DLC1: variants seen among roughly 807,000 people sequenced by gnomAD.
DLC1 encodes DLC1 Rho GTPase activating protein.
A neutral mutation model predicts 140.3 loss-of-function variants in DLC1; 54 were observed. The observed-to-expected ratio is 0.38, with a 90% CI of 0.31 to 0.48. The LOEUF (loss-of-function observed/expected upper bound fraction) is 0.48, where lower values mean the gene tolerates loss of function less well. DLC1 is among the 20% of genes least tolerant of loss of function. The pLI is 0.96. For synonymous variants in DLC1, 986 were observed against 728.1 expected, an observed-to-expected ratio of 1.35 and a Z score of -5.70; for missense variants, 2,536 against 1,907.0, an observed-to-expected ratio of 1.33 and a Z score of -6.14.
chr8:13,415,985 G>A (rs1047898673), intron 2 of DLC1, among the ~76,000 whole-genome samples: 1 of 152,078 alleles, frequency 6.6e-6, no homozygotes, highest in South Asian at 2.1e-4. Flanking sequence ...CTTGGGAGTG[G>A]CACACCCTAA....
intron 8 of DLC1, 81 bp from the exon 9 acceptor site, chr8:13,100,851 A>C: frequency 1.4e-6 from 2 of 1,399,078 alleles, no homozygotes; most frequent in Non-Finnish European, 1.9e-6. Context: ...GGCTGCTCAT[A>C]ATATGCCAGT....
Position 13,499,244 on chromosome 8 carries a change from G to T in DLC1, c.828C>A (p.Ser276Arg), listed in dbSNP as rs756639635. 6.2e-7 allele frequency: 1 copy of T among 1,614,090 alleles called. No individual in the cohort carries two copies. The highest frequency in any genetic ancestry group is 8.5e-7 in the Non-Finnish European group (1 of 1,180,034). ...GLPLLKTDFG[S>R]CLLQPPSCPN... ...GGCAGGAAGGAGGCTGCAGAAGGCA[G>T]CTTCCAAAATCTGTTTTTAATAATG... Residue 276 changes from serine to arginine, a missense_variant, in exon 2 of 18, where the codon AGC becomes AGA. By Grantham distance (110) the Ser-to-Arg change is moderately radical. Transcript: ENST00000276297.
chr8:13,574,075 ATCT>A (rs1245490731), intron 1 of DLC1, among the ~76,000 whole-genome samples: 3 of 152,248 alleles, frequency 2.0e-5, no homozygotes, highest in Admixed American at 1.3e-4. Flanking sequence ...GAAGAAAATA[ATCT>A]TCTAGAATTC....
At chr8:13,424,525 T>C (rs1435139206) in intron 2 of DLC1, among the ~76,000 whole-genome samples, 2 of 151,924 alleles carry the variant, frequency 1.3e-5, no homozygotes, top group Non-Finnish European at 2.9e-5. Flanking sequence ...AAGTCAGATC[T>C]CCAGTATTTG....
intron 2 of DLC1, among the ~76,000 whole-genome samples, chr8:13,460,088 T>C (rs1165994529): frequency 6.6e-6 from 1 of 152,188 alleles, no homozygotes; most frequent in African/African-American, 2.4e-5. Flanking sequence ...AAGGCAGTGT[T>C]AGGAACTCAA....
At chr8:13,409,635 G>A (rs1005791133) in intron 2 of DLC1, among the ~76,000 whole-genome samples, 3 of 152,016 alleles carry the variant, frequency 2.0e-5, no homozygotes, top group Non-Finnish European at 4.4e-5. Flanking sequence ...ACTTTCTTTT[G>A]GCTTAACCCA....
At chr8:13,303,774 C>G (rs562142870) in intron 5 of DLC1, among the ~76,000 whole-genome samples, 1 of 152,068 alleles carries the variant, frequency 6.6e-6, no homozygotes. Flanking sequence ...TGTGCTCCAG[C>G]CTGGGCAACA....
At chr8:13,582,451 G>C (rs1426680389) in intron 1 of DLC1, among the ~76,000 whole-genome samples, 2 of 152,044 alleles carry the variant, frequency 1.3e-5, no homozygotes, top group Non-Finnish European at 2.9e-5. Context: ...ATCTGAATGG[G>C]CACCGTTTAA....
intron 1 of DLC1, among the ~76,000 whole-genome samples, chr8:13,574,496 A>T (rs1310392802): frequency 1.3e-5 from 2 of 152,140 alleles, no homozygotes; most frequent in African/African-American, 2.4e-5. Flanking sequence ...TGAAATAGAA[A>T]GCTCATCAGA....
At chr8:13,550,134 A>C (rs1803795307) in intron 1 of DLC1, among the ~76,000 whole-genome samples, 1 of 152,082 alleles carries the variant, frequency 6.6e-6, no homozygotes, top group African/African-American at 2.4e-5. Context: ...CTTGAACTGT[A>C]ATGCTCATTG....
In DLC1 at chr8:13,582,878, C is replaced by CTATATATATATA. The variant is rs55681527; in HGVS notation, c.-126+21647_-126+21658dup. On this transcript the variant is annotated intron_variant, in intron 1 of 1. Transcript: ENST00000631382. ...AGTTATGTTTACAATATACTGTGGT[C>CTATATATATATA]TATATATATATATATATATATATAT... Among the ~76,000 whole-genome samples, 146 of 103,070 alleles carry CTATATATATATA rather than the reference C, an allele frequency of 1.4e-3. 1 individual carries two copies. Among genetic ancestry groups the CTATATATATATA allele is most frequent in the African/African-American group, 2.0e-3 (56 of 28,224 alleles). The allele number at this position is 103,070 out of a possible 152,430, so 67.6% of individuals were successfully genotyped here.
At chr8:13,213,686 T>G (rs1828055242) in intron 5 of DLC1, among the ~76,000 whole-genome samples, 1 of 152,206 alleles carries the variant, frequency 6.6e-6, no homozygotes, top group Non-Finnish European at 1.5e-5. Context: ...TAGCCATGTC[T>G]GCTGTATGGA....
intron 1 of DLC1, among the ~76,000 whole-genome samples, chr8:13,539,740 ATGTGTGTGTATGTG>A (rs1413024071): frequency 3.4e-5 from 4 of 115,982 alleles, no homozygotes; most frequent in African/African-American, 1.0e-4. Context: ...GCATTAAGAA[ATGTGTGTGTATGTG>A]TGTGTGTGTG....
rs74302475 is a variant in DLC1, at chr8:13,241,400, C to A, written c.1348+63869G>T. Among the ~76,000 whole-genome samples the A allele has an allele frequency of 1.1e-3, 174 of 152,222 alleles. 4 individuals are homozygous for A. The East Asian group carries it at 0.031, about 27-fold the overall frequency. On this transcript the variant is annotated intron_variant, in intron 5 of 17. Transcript: ENST00000276297. Reference sequence around the variant, plus strand: ...GTTTTCCCATGCTAACATTTCCAACCTGATTTGGGGTACATTTTTTTCCCT... The same window carrying A: ...GTTTTCCCATGCTAACATTTCCAACATGATTTGGGGTACATTTTTTTCCCT...
chr8:13,514,055 C>A (rs553703751), intron 1 of DLC1, among the ~76,000 whole-genome samples: 1 of 151,312 alleles, frequency 6.6e-6, no homozygotes, highest in Non-Finnish European at 1.5e-5. Context: ...TTTAAATGAA[C>A]CTTTTAAGCT....
chr8:13,104,913 G>A (rs570445922), intron 7 of DLC1, among the ~76,000 whole-genome samples: 1 of 152,052 alleles, frequency 6.6e-6, no homozygotes, highest in Non-Finnish European at 1.5e-5. Flanking sequence ...CTCTATTGGG[G>A]GTATCAATTA....
intron 13 of DLC1, 73 bp downstream of exon 13, chr8:13,092,539 C>T: frequency 6.6e-6 from 10 of 1,516,472 alleles, no homozygotes; most frequent in Middle Eastern, 4.4e-4. Flanking sequence ...TCCCACAAAA[C>T]CACAGCTACG....
intron 1 of DLC1, among the ~76,000 whole-genome samples, chr8:13,538,862 A>G (rs1215666071): frequency 6.6e-6 from 1 of 152,200 alleles, no homozygotes; most frequent in Admixed American, 6.5e-5. Context: ...ACTATCCCAC[A>G]GTTCGGCAGA....
At chr8:13,406,990 C>G (rs1327689443) in intron 2 of DLC1, among the ~76,000 whole-genome samples, 1 of 152,190 alleles carries the variant, frequency 6.6e-6, no homozygotes, top group Non-Finnish European at 1.5e-5. Flanking sequence ...TGCTTTGGGA[C>G]TGCAACCAGC....
Sources: allele counts gnomAD v4.1 joint callset (sites outside exome capture counted in the v4.1 genomes callset), GRCh38; gene constraint gnomAD v4.1.1; transcripts MANE v1.5; gene names NCBI Gene and HGNC (gene_info 2026-07-23, HGNC 2026-07-21).